The following EPHA7 variants were observed in gnomAD, a reference collection of about 807,000 sequenced individuals.
The protein encoded by EPHA7 is ephrin type-A receptor 7.
EPHA7 carries 25 observed loss-of-function variants against 112.6 expected under a neutral mutation model. That is an observed-to-expected ratio of 0.22 (90% CI 0.16 to 0.31). EPHA7 has a LOEUF of 0.31. EPHA7 is among the 10% of genes least tolerant of loss of function. EPHA7 has a pLI of 1.00. For missense variants in EPHA7, 962 were observed against 1,212.6 expected (o/e 0.79, Z 3.07); for synonymous variants, 437 against 406.5 (o/e 1.07, Z -0.90).
Position 93,411,041 on chromosome 6 carries a change from T to C in EPHA7, c.292A>G (p.Ile98Val). The change falls in exon 3 of 17, where the codon ATT (isoleucine) becomes GTT (valine). Residue 98 changes from isoleucine (I) to valine (V), a missense_variant. By Grantham distance (29) the Ile-to-Val change is conservative. Transcript: ENST00000369303. The stretch of plus-strand genomic sequence containing the variant: ...AGGGTGAATTTCAATTCTACAAAAA[T>C]CCTTTGTGCATTGCCTTTGGAAATC... ...NWISKGNAQR[I>V]FVELKFTLRD... 1.9e-6 allele frequency: 3 copies of C among 1,613,998 alleles called. No individual in the cohort carries two copies. The highest frequency in any genetic ancestry group is 1.3e-5 in the African/African-American group (1 of 75,006).
chr6:93,411,221 T>G, intron 2 of EPHA7, 51 bp from the exon 3 acceptor site: 1 of 1,517,032 alleles, frequency 6.6e-7, no homozygotes, highest in Non-Finnish European at 9.0e-7. Context: ...AATAACATTT[T>G]GCTTTTGAAA....
At chr6:93,306,145 T>C (rs1409900857) in intron 5 of EPHA7, among the ~76,000 whole-genome samples, 2 of 151,984 alleles carry the variant, frequency 1.3e-5, no homozygotes, top group Non-Finnish European at 2.9e-5. Flanking sequence ...AAATATAATT[T>C]GACTGCAGAA....
intron 7 of EPHA7, among the ~76,000 whole-genome samples, chr6:93,268,179 A>G (rs191180383): frequency 1.6e-3 from 249 of 151,812 alleles, no homozygotes; most frequent in African/African-American, 5.7e-3. Flanking sequence ...TTACCACATC[A>G]AATTATGTAG....
intron 3 of EPHA7, among the ~76,000 whole-genome samples, chr6:93,368,723 T>C (rs1302108726): frequency 1.3e-5 from 2 of 152,198 alleles, no homozygotes; most frequent in Non-Finnish European, 2.9e-5. Flanking sequence ...TGCAAAGCAG[T>C]CCAAGACATG....
At chr6:93,382,611 T>A (rs1416950166) in intron 3 of EPHA7, among the ~76,000 whole-genome samples, 1 of 152,124 alleles carries the variant, frequency 6.6e-6, no homozygotes, top group Non-Finnish European at 1.5e-5. Context: ...TCATGACACC[T>A]CTCTATTCTT....
At chr6:93,313,742 T>C (rs1391359355) in intron 5 of EPHA7, among the ~76,000 whole-genome samples, 3 of 151,064 alleles carry the variant, frequency 2.0e-5, no homozygotes, top group Non-Finnish European at 2.9e-5. Flanking sequence ...TTAAAAGATA[T>C]GGAACAAGCA....
chr6:93,338,279 T>C (rs1424156277), intron 5 of EPHA7, among the ~76,000 whole-genome samples: 5 of 152,164 alleles, frequency 3.3e-5, no homozygotes, highest in Admixed American at 3.3e-4. Context: ...TTCAGCTTCC[T>C]AATTCTTGCT....
At chr6:93,376,868 A>T (rs1380655779) in intron 3 of EPHA7, among the ~76,000 whole-genome samples, 2 of 152,118 alleles carry the variant, frequency 1.3e-5, no homozygotes, top group East Asian at 3.9e-4. Context: ...TATTGCTCGG[A>T]TGTCTATGTT....
chr6:93,257,156 TC>T (rs1473338985), intron 12 of EPHA7, among the ~76,000 whole-genome samples: 1 of 152,104 alleles, frequency 6.6e-6, no homozygotes, highest in Admixed American at 6.6e-5. Flanking sequence ...TCTCTATATT[TC>T]ATTTACAATT....
chr6:93,244,748 T>C (rs1187419519), intron 16 of EPHA7, among the ~76,000 whole-genome samples: 1 of 152,196 alleles, frequency 6.6e-6, no homozygotes, highest in Non-Finnish European at 1.5e-5. Context: ...AAGCTATGGT[T>C]AACTGAATTA....
intron 5 of EPHA7, among the ~76,000 whole-genome samples, chr6:93,330,905 A>G (rs1474834474): frequency 6.6e-6 from 1 of 151,336 alleles, no homozygotes; most frequent in Non-Finnish European, 1.5e-5. Flanking sequence ...GGTGTAAAGC[A>G]TTTATTAACT....
At chr6:93,295,022 A>G (rs1772585578) in intron 5 of EPHA7, among the ~76,000 whole-genome samples, 1 of 151,884 alleles carries the variant, frequency 6.6e-6, no homozygotes, top group South Asian at 2.1e-4. Flanking sequence ...TGAGGGGGGA[A>G]GGGAGGAAGA....
At chr6:93,277,477 T>C (rs370670328) in intron 5 of EPHA7, among the ~76,000 whole-genome samples, 3 of 152,056 alleles carry the variant, frequency 2.0e-5, no homozygotes, top group Non-Finnish European at 2.9e-5. Context: ...ATGATACATA[T>C]GCAATTTTAG....
At chr6:93,359,874 G>GAGAGAGAGAGATAGAT (rs1462833873) in intron 3 of EPHA7, among the ~76,000 whole-genome samples, 144 of 127,922 alleles carry the variant, frequency 1.1e-3, no homozygotes, top group Middle Eastern at 4.1e-3. Flanking sequence ...GAGAGAGAGA[G>GAGAGAGAGAGATAGAT]AGATAGATAG....
chr6:93,252,419 A>G (rs562199060), intron 14 of EPHA7, among the ~76,000 whole-genome samples: 8 of 113,452 alleles, frequency 7.1e-5, no homozygotes, highest in Non-Finnish European at 1.6e-4. Context: ...AATCTGAGGA[A>G]GGCAACCTTC....
chr6:93,257,394 A>G, intron 12 of EPHA7, 68 bp downstream of exon 12: 2 of 1,235,350 alleles, frequency 1.6e-6, no homozygotes, highest in South Asian at 2.7e-5. Flanking sequence ...ATTGCAAAAA[A>G]AGTTCATAAA....
chr6:93,255,738 C>T (rs1582397515), intron 13 of EPHA7, 90 bp downstream of exon 13: 1 of 1,175,904 alleles, frequency 8.5e-7, no homozygotes, highest in Non-Finnish European at 1.2e-6. Context: ...TGCTTCATTT[C>T]TCCTGTTTAG....
chr6:93,280,094 C>T (rs1419214441), intron 5 of EPHA7, among the ~76,000 whole-genome samples: 1 of 152,110 alleles, frequency 6.6e-6, no homozygotes, highest in Admixed American at 6.6e-5. Flanking sequence ...CAGTTACTAC[C>T]TTCCAGGAGA....
intron 5 of EPHA7, among the ~76,000 whole-genome samples, chr6:93,347,290 G>A (rs1265829703): frequency 6.6e-6 from 1 of 151,756 alleles, no homozygotes; most frequent in Non-Finnish European, 1.5e-5. Context: ...TACCATCAAT[G>A]TATCACCTTC....
Sources: gnomAD v4.1 joint callset for allele counts (sites outside exome capture counted in the v4.1 genomes callset) on GRCh38, gnomAD v4.1.1 for gene constraint, MANE v1.5 for transcripts, NCBI Gene and HGNC (gene_info 2026-07-23, HGNC 2026-07-21) for gene names.